GPS1: variants seen among roughly 807,000 people sequenced by gnomAD.
GPS1 encodes the protein COP9 signalosome complex subunit 1.
GPS1 carries 11 observed loss-of-function variants against 60.0 expected under a neutral mutation model. The observed-to-expected ratio is 0.18, with a 90% CI of 0.12 to 0.30. The LOEUF (loss-of-function observed/expected upper bound fraction) is 0.30. GPS1 is among the 10% of genes least tolerant of loss of function. The pLI, the probability that GPS1 is intolerant of heterozygous loss-of-function variation, is 1.00. For missense variants in GPS1, 543 were observed against 669.2 expected, an observed-to-expected ratio of 0.81 and a Z score of 2.08; for synonymous variants, 343 against 269.8, an observed-to-expected ratio of 1.27 and a Z score of -2.66.
chr17:82,051,248 C>A, upstream of GPS1: 2 of 1,337,034 alleles, frequency 1.5e-6, no homozygotes, highest in Non-Finnish European at 1.9e-6. The surrounding 1 kb of genome is among the most constrained non-coding windows in gnomAD (Gnocchi z 4.1). Flanking sequence ...GCGAGAAAGG[C>A]TCGGGGGGCA....
Position 82,056,828 on chromosome 17 carries a change from G to C in GPS1, c.1255-12G>C. On this transcript the variant is annotated splice_polypyrimidine_tract_variant and intron_variant, in intron 11 of 12. Coordinates refer to ENST00000578552, the MANE Select transcript of GPS1 (RefSeq NM_001321092.3). ...GGTGAGCCTGGGCCCCGCTGAGCTT[G>C]TGCCTGCACAGATCCTATACGCCCG... 1.2e-6 allele frequency: 2 copies of C among 1,612,144 alleles called. No individual in the cohort carries two copies. Among genetic ancestry groups the C allele is most frequent in the South Asian group, 2.2e-5 (2 of 91,010 alleles).
At chr17:82,051,495 C>G, upstream of GPS1, 1 of 1,370,944 alleles carries the variant, frequency 7.3e-7, no homozygotes, top group South Asian at 1.7e-5. The surrounding 1 kb of genome is among the most constrained non-coding windows in gnomAD (Gnocchi z 4.1). Context: ...CGGGGTCCGG[C>G]GCACCTGCTG....
Position 82,053,936 on chromosome 17 carries a change from T to C in GPS1, c.195T>C (p.Asp65=). 1 of 1,612,946 alleles carries C rather than the reference T, an allele frequency of 6.2e-7. No individual in the cohort carries two copies. The highest frequency in any genetic ancestry group is 8.5e-7 in the Non-Finnish European group (1 of 1,179,952). Reference sequence around the variant, plus strand: ...TCGAACGGCTGCAGTTCATTGCTGATCACTGCCCCACGCTGCGGGTGGAGG... The same window carrying C: ...TCGAACGGCTGCAGTTCATTGCTGACCACTGCCCCACGCTGCGGGTGGAGG... ...MRIERLQFIA[D]HCPTLRVEAL... Residue 65 remains aspartate, a synonymous_variant, in exon 3 of 13, where the codon GAT becomes GAC. Transcript: ENST00000578552.
chr17:82,052,198 A>C, intron 1 of GPS1: 9 of 1,393,278 alleles, frequency 6.5e-6, no homozygotes, highest in East Asian at 2.7e-5. Context: ...CTCCCCTCCC[A>C]GCAGCTCACG....
In GPS1 at chr17:82,051,903, A is replaced by G. The variant is rs1484414123; in HGVS notation, c.-29A>G. On this transcript the variant is annotated 5_prime_UTR_variant, in exon 1 of 13. Coordinates refer to ENST00000578552, the MANE Select transcript of GPS1 (RefSeq NM_001321092.3). The surrounding 1 kb of genome is among the most constrained non-coding windows in gnomAD (Gnocchi z 4.1). ...GACGGCTTCGCTGCCCCGGAAGTGG[A>G]CGGCACGCCGCGGCGGGGTGGGTGC... The G allele has an allele frequency of 9.5e-6, 11 of 1,156,486 alleles. No homozygotes were observed. Among genetic ancestry groups the G allele is most frequent in the Middle Eastern group, 3.3e-4 (1 of 3,040 alleles). The allele number at this position is 1,156,486 out of a possible 1,614,324, so 71.6% of individuals were successfully genotyped here. A position where few individuals can be genotyped will look rare whatever the true frequency, so the allele number is the denominator to read the frequency against.
Position 82,055,022 on chromosome 17 carries a change from C to T in GPS1, c.687+47C>T, listed in dbSNP as rs1329579481. 3.1e-6 allele frequency: 5 copies of T among 1,608,608 alleles called. No homozygotes were observed. In the East Asian group the frequency reaches 8.9e-5, roughly 29 times the overall value. ...ACCTTGCCCCCAGGATTCCTGACCACTGCTGGCCCCTCCTGTCCTCCCCCA... is the reference window on the plus strand; with the variant it reads ...ACCTTGCCCCCAGGATTCCTGACCATTGCTGGCCCCTCCTGTCCTCCCCCA... On this transcript the variant is annotated intron_variant, in intron 5 of 12. Coordinates refer to ENST00000578552, the MANE Select transcript of GPS1 (RefSeq NM_001321092.3).
At chr17:82,056,143 C>T (rs751216336) in intron 8 of GPS1, 48 bp downstream of exon 8, 24 of 1,497,626 alleles carry the variant, frequency 1.6e-5, no homozygotes, top group East Asian at 2.3e-5. Context: ...CGTCCCTCTC[C>T]GTGGCTGCTG....
rs2032277982 is a variant in GPS1 at position 82,055,243 on chromosome 17, C to T, written c.748+21C>T. On this transcript the variant is annotated intron_variant, in intron 6 of 12. Transcript: ENST00000578552. The stretch of plus-strand genomic sequence containing the variant: ...CGCAGGTGAGGGCCTGGGTCACGCC[C>T]AGCTGACCCCACGTTCCCCTGTTGC... 9 of 1,550,472 alleles carry T rather than the reference C, an allele frequency of 5.8e-6. No homozygotes were observed. In the East Asian group the frequency reaches 2.0e-4, roughly 34 times the overall value.
chr17:82,056,441 G>T (rs375671552), intron 9 of GPS1, 29 bp from the exon 10 acceptor site: 2 of 1,612,902 alleles, frequency 1.2e-6, no homozygotes, highest in Admixed American at 1.7e-5. Flanking sequence ...CTGGCCTCCT[G>T]TCCTGGTCCT....
chr17:82,054,573 G>T lies in GPS1; in HGVS notation c.372G>T (p.Thr124=). The change falls in exon 4 of 13, where the codon ACG becomes ACT. Residue 124 remains threonine, a synonymous_variant. Coordinates refer to ENST00000578552, the MANE Select transcript of GPS1 (RefSeq NM_001321092.3). Reference sequence around the variant, plus strand: ...GCGTGGAGCCCCCAGCCCTGGACACGGCCTGGGTGGAGGCCACGCGGAAGA... The same window carrying T: ...GCGTGGAGCCCCCAGCCCTGGACACTGCCTGGGTGGAGGCCACGCGGAAGA... ...ESGVEPPALD[T]AWVEATRKKA... 1 of 1,597,788 alleles carries T rather than the reference G, an allele frequency of 6.3e-7. No homozygotes were observed. Among genetic ancestry groups the T allele is most frequent in the Non-Finnish European group, 8.5e-7 (1 of 1,173,568 alleles).
rs199856854 is a variant in GPS1 at position 82,053,306 on chromosome 17, C to T, written c.66C>T (p.Asp22=). 2.3e-5 allele frequency: 35 copies of T among 1,548,928 alleles called. No individual in the cohort carries two copies. In the South Asian group the frequency reaches 2.7e-4, roughly 12 times the overall value. Residue 22 remains aspartate (D), a synonymous_variant, in exon 2 of 13, where the codon GAC becomes GAT. Transcript: ENST00000578552. Reference sequence around the variant, plus strand: ...TGGAGCCCATGCAGATCGACGTGGACCCCCAGGAAGACCCGCAGAATGCAC... The same window carrying T: ...TGGAGCCCATGCAGATCGACGTGGATCCCCAGGAAGACCCGCAGAATGCAC... ...GAVEPMQIDV[D]PQEDPQNAPD...
Position 82,056,054 on chromosome 17 carries a change from C to T in GPS1, c.888C>T (p.Thr296=), listed in dbSNP as rs1568064745. The T allele has an allele frequency of 1.1e-5, 17 of 1,612,756 alleles. No homozygotes were observed. The highest frequency in any genetic ancestry group is 1.4e-5 in the Non-Finnish European group (17 of 1,179,924). ...AIYGGLCALA[T]FDRQELQRNV... is the part of the protein sequence containing the mutation. ...ACGGTGGCCTGTGCGCCTTGGCTAC[C>T]TTTGACCGGCAGGAGCTGCAGCGCA... The change falls in exon 8 of 13, where the codon ACC becomes ACT. Residue 296 remains threonine (T), a synonymous_variant. Coordinates refer to ENST00000578552, the MANE Select transcript of GPS1 (RefSeq NM_001321092.3).
Position 82,054,967 on chromosome 17 carries a change from A to G in GPS1, c.679A>G (p.Ile227Val). ...CAGCAAGGCTGAGTCCACCCCAGAG[A>G]TTGCCGAGGTACGGGCCACCTCCTC... ...YVSKAESTPE[I>V]AEQRGERDSQ... The change falls in exon 5 of 13, where the codon ATT (isoleucine) becomes GTT (valine). Residue 227 changes from isoleucine to valine, a missense_variant. Around this residue, in one of 3 missense-constraint regions of GPS1, gnomAD observed 291 missense variants for 353.7 expected, o/e 0.82. Transcript: ENST00000578552. The G allele has an allele frequency of 6.2e-7, 1 of 1,612,892 alleles. No homozygotes were observed. The highest frequency in any genetic ancestry group is 8.5e-7 in the Non-Finnish European group (1 of 1,179,888).
intron 6 of GPS1, 103 bp downstream of exon 6, chr17:82,055,325 C>T (rs1480785915): frequency 1.8e-5 from 21 of 1,197,606 alleles, no homozygotes; most frequent in Non-Finnish European, 2.2e-5. Flanking sequence ...GGGAAAACTT[C>T]CCTGGCAGGG....
At chr17:82,054,867 G>C (rs114775081) in intron 4 of GPS1, 31 bp from the exon 5 acceptor site, 1 of 1,569,120 alleles carries the variant, frequency 6.4e-7, no homozygotes. Flanking sequence ...TGGGGCGCCC[G>C]GGCTCACTTG....
Position 82,053,883 on chromosome 17 carries a change from G to T in GPS1, c.142G>T (p.Ala48Ser). ...CTGCTCCCAGGATCTGGAACAGTAC[G>T]CGGCCAGCTACAGCGGCCTGATGCG... Reference protein sequence around the residue: ...ENPSLDLEQYAASYSGLMRIE... With the variant: ...ENPSLDLEQYSASYSGLMRIE... The change falls in exon 3 of 13, where the codon GCG becomes TCG. Residue 48 changes from alanine (A) to serine (S), a missense_variant. Around this residue, in one of 3 missense-constraint regions of GPS1, gnomAD observed 181 missense variants for 188.8 expected, o/e 0.96. Transcript: ENST00000578552. The T allele has an allele frequency of 1.2e-6, 2 of 1,610,816 alleles. No individual in the cohort carries two copies. Among genetic ancestry groups the T allele is most frequent in the Non-Finnish European group, 1.7e-6 (2 of 1,179,528 alleles).
intron 8 of GPS1, 68 bp downstream of exon 8, chr17:82,056,163 T>A (rs1598522839): frequency 1.4e-6 from 2 of 1,425,368 alleles, no homozygotes. Flanking sequence ...GCTTCGGCCT[T>A]GCATGTCCTG....
At chr17:82,051,775 C>G (rs1185363330), upstream of GPS1, 1 of 1,108,520 alleles carries the variant, frequency 9.0e-7, no homozygotes, top group Non-Finnish European at 1.1e-6. This position sits in a 1 kb window ranked among gnomAD's most constrained non-coding sequence, Gnocchi z 4.1. Context: ...ATGCGGCCGC[C>G]GGGACCCCCG....
At chr17:82,051,060 G>C, upstream of GPS1, 1 of 1,379,242 alleles carries the variant, frequency 7.3e-7, no homozygotes, top group African/African-American at 1.5e-5. The surrounding 1 kb of genome is among the most constrained non-coding windows in gnomAD (Gnocchi z 4.1). Flanking sequence ...AGGGGACGTG[G>C]CACTAGCCCC....
Sources: gnomAD v4.1 joint callset for allele counts on GRCh38, gnomAD v4.1.1 for gene constraint, gnomAD v4.1.1 regional missense constraint, Gnocchi (gnomAD v3.1) non-coding constraint, MANE v1.5 for transcripts, NCBI Gene and HGNC (gene_info 2026-07-23, HGNC 2026-07-21) for gene names.